CCPG1: variants seen among roughly 807,000 people sequenced by gnomAD.
CCPG1 encodes the protein cell cycle progression protein 1.
In CCPG1, 46 loss-of-function variants were observed where a neutral mutation model predicts 81.3. The observed-to-expected ratio is 0.57, with a 90% CI of 0.45 to 0.72. CCPG1 has a LOEUF of 0.72. Among genes scored for constraint, CCPG1 ranks in the 30% least tolerant of loss-of-function variants. The pLI is 0.00. For synonymous variants in CCPG1, 330 were observed against 305.2 expected (o/e 1.08, Z -0.85); for missense variants, 902 against 937.6 (o/e 0.96, Z 0.50).
intron 3 of CCPG1, among the ~76,000 whole-genome samples, chr15:55,380,365 G>C (rs1364327816): frequency 6.7e-6 from 1 of 150,234 alleles, no homozygotes; most frequent in Non-Finnish European, 1.5e-5. Flanking sequence ...GCGCCGTCTC[G>C]GCTCACTGCA....
At chr15:55,372,728 C>T (rs1037557228) in intron 5 of CCPG1, 1 of 267,476 alleles carries the variant, frequency 3.7e-6, no homozygotes, top group African/African-American at 2.3e-5. Flanking sequence ...AAAAAATACT[C>T]TCTGTCTCTT....
intron 3 of CCPG1, among the ~76,000 whole-genome samples, chr15:55,384,170 C>G (rs139878961): frequency 6.6e-6 from 1 of 152,216 alleles, no homozygotes; most frequent in East Asian, 1.9e-4. Flanking sequence ...TCTCCAGGAA[C>G]AGGGAGGCCA....
intron 3 of CCPG1, among the ~76,000 whole-genome samples, chr15:55,381,081 G>A (rs927379126): frequency 2.0e-5 from 3 of 151,760 alleles, no homozygotes; most frequent in Non-Finnish European, 4.4e-5. Context: ...AGCTTGCAGC[G>A]AGCCGAGATC....
chr15:55,390,339 G>C (rs901356335), intron 1 of CCPG1, among the ~76,000 whole-genome samples: 4 of 152,188 alleles, frequency 2.6e-5, no homozygotes, highest in African/African-American at 7.2e-5. Context: ...CAACAACCTG[G>C]ACTCAAGCCC....
chr15:55,375,863 T>C (rs112686836), intron 5 of CCPG1, among the ~76,000 whole-genome samples: 3 of 152,162 alleles, frequency 2.0e-5, no homozygotes, highest in African/African-American at 7.2e-5. Context: ...CCTGGCTTTT[T>C]ATTATTTGTA....
Position 55,389,364 on chromosome 15 carries a change from C to G in CCPG1, c.60+1G>C, listed in dbSNP as rs369159045. 6.0e-5 allele frequency: 96 copies of G among 1,587,512 alleles called. No homozygotes were observed. The highest frequency in any genetic ancestry group is 8.2e-5 in the Non-Finnish European group (95 of 1,156,120). ...CTTATAAAAAGTATTAAATATCATACCTCATGACTGATGACAGTCCAACCA... is the reference window on the plus strand; with the variant it reads ...CTTATAAAAAGTATTAAATATCATAGCTCATGACTGATGACAGTCCAACCA... On this transcript the variant is annotated splice_donor_variant, in intron 2 of 8. Coordinates refer to ENST00000442196, the MANE Select transcript of CCPG1 (RefSeq NM_001204450.2). LOFTEE classifies it high-confidence loss of function.
At position 55,407,932 on chromosome 15, in the gene CCPG1, C is replaced by T. The variant is rs76608628; in HGVS notation, c.-10+289G>A. On this transcript the variant is annotated intron_variant, in intron 1 of 8. Transcript: ENST00000442196. ...AAGGGTGGCCCAGGCCGTCAGCTCT[C>T]CCACCCTTGGCGCGCAGTTCGGTAT... 152 of 152,890 alleles carry T rather than the reference C, an allele frequency of 9.9e-4. 3 individuals are homozygous for T. In the East Asian group the frequency reaches 0.026, roughly 26 times the overall value. 9.5% of individuals were successfully genotyped at this position (152,890 alleles called of 1,614,324 possible).
chr15:55,369,812 A>G (rs2056410091), intron 6 of CCPG1, among the ~76,000 whole-genome samples: 1 of 152,330 alleles, frequency 6.6e-6, no homozygotes, highest in South Asian at 2.1e-4. Context: ...TCTACAAAAT[A>G]TTCAAAGGTC....
chr15:55,371,421 G>T (rs2141267703), intron 6 of CCPG1, among the ~76,000 whole-genome samples: 1 of 152,266 alleles, frequency 6.6e-6, no homozygotes, highest in South Asian at 2.1e-4. Context: ...TATTTCAACT[G>T]GGATTTAAAT....
rs894649398 is a variant in CCPG1, at chr15:55,359,225, C to T, written c.2234+314G>A. On this transcript the variant is annotated intron_variant, in intron 8 of 8. Transcript: ENST00000442196. ...GGAAAATAATTTCACTTAAGGTGAT[C>T]TTTTCATATAAACTATAATGAAAAG... is the stretch of plus-strand genomic sequence containing the variant. 2.9e-6 allele frequency: 3 copies of T among 1,032,044 alleles called. No homozygotes were observed. In the African/African-American group the frequency reaches 5.1e-5, roughly 17 times the overall value. 63.9% of individuals were successfully genotyped at this position (1,032,044 alleles called of 1,614,324 possible). A position where few individuals can be genotyped will look rare whatever the true frequency, so the allele number is the denominator to read the frequency against.
At chr15:55,403,132 C>G (rs1024602613) in intron 1 of CCPG1, among the ~76,000 whole-genome samples, 1 of 152,122 alleles carries the variant, frequency 6.6e-6, no homozygotes, top group African/African-American at 2.4e-5. Flanking sequence ...TACAATAATA[C>G]TTCATATGAG....
chr15:55,357,370 T>C (rs2141236948), intron 8 of CCPG1: 3 of 985,438 alleles, frequency 3.0e-6, no homozygotes, highest in Non-Finnish European at 3.6e-6. Flanking sequence ...AGTTTAGATG[T>C]TCATCAGCTC....
chr15:55,402,085 A>G (rs986069204), intron 1 of CCPG1, among the ~76,000 whole-genome samples: 5 of 152,238 alleles, frequency 3.3e-5, no homozygotes, highest in African/African-American at 1.2e-4. Context: ...CCCTGAATCT[A>G]TAGCACTTAC....
chr15:55,360,996 T>C (rs761950274), intron 7 of CCPG1, 52 bp from the exon 8 acceptor site: 5 of 1,438,206 alleles, frequency 3.5e-6, no homozygotes, highest in Non-Finnish European at 4.6e-6. Context: ...CTTTAAAAGC[T>C]GAATTTAAAT....
At chr15:55,380,864 G>A (rs965797583) in intron 3 of CCPG1, among the ~76,000 whole-genome samples, 8 of 128,992 alleles carry the variant, frequency 6.2e-5, no homozygotes, top group Non-Finnish European at 9.5e-5. Flanking sequence ...ATGGCCGGGC[G>A]CGGCGGCTCA....
At position 55,408,097 on chromosome 15, in the gene CCPG1, G is replaced by C. The variant is rs113709705; in HGVS notation, c.-10+124C>G. 6.4e-3 allele frequency: 970 copies of C among 152,396 alleles called. 7 individuals are homozygous for C. The highest frequency in any genetic ancestry group is 0.011 in the Non-Finnish European group (725 of 68,292). 9.4% of individuals were successfully genotyped at this position (152,396 alleles called of 1,614,324 possible). A position where few individuals can be genotyped will look rare whatever the true frequency, so the allele number is the denominator to read the frequency against. On this transcript the variant is annotated intron_variant, in intron 1 of 8. Transcript: ENST00000442196. ...GACACCAGGCGTCAAGTCCCCGCCC[G>C]AGCAGCCCCAGCCTAGGAGGCGGAC...
intron 1 of CCPG1, among the ~76,000 whole-genome samples, chr15:55,401,834 A>T (rs1305444567): frequency 6.6e-6 from 1 of 152,218 alleles, no homozygotes; most frequent in Non-Finnish European, 1.5e-5. Flanking sequence ...CCTTAGTGTG[A>T]CACTGAAAAA....
chr15:55,362,172 T>C (rs180957753), intron 7 of CCPG1, among the ~76,000 whole-genome samples: 1 of 152,230 alleles, frequency 6.6e-6, no homozygotes, highest in African/African-American at 2.4e-5. Context: ...ACTTAAACAA[T>C]ATGGTTCAAC....
chr15:55,397,742 C>T (rs554503943), intron 1 of CCPG1, among the ~76,000 whole-genome samples: 8 of 152,034 alleles, frequency 5.3e-5, no homozygotes, highest in African/African-American at 1.2e-4. Context: ...TTTGGGAGGC[C>T]GAGGTGGGCA....
Sources: gnomAD v4.1 joint callset for allele counts (sites outside exome capture counted in the v4.1 genomes callset) on GRCh38, gnomAD v4.1.1 for gene constraint, MANE v1.5 for transcripts, NCBI Gene and HGNC (gene_info 2026-07-23, HGNC 2026-07-21) for gene names.